NUP37: variants seen among roughly 807,000 people sequenced by gnomAD.
NUP37 encodes nucleoporin Nup37.
Under a neutral mutation model 45.4 loss-of-function variants are expected in NUP37, and 33 were observed. The ratio of observed to expected loss-of-function variants is 0.73; its 90% confidence interval spans 0.55 to 0.97. The LOEUF is 0.97. Among genes scored for constraint, NUP37 ranks in the 50% least tolerant of loss-of-function variants. NUP37 has a pLI of 0.00. For missense variants in NUP37, 365 were observed against 389.7 expected, an observed-to-expected ratio of 0.94 and a Z score of 0.53; for synonymous variants, 127 against 130.7, an observed-to-expected ratio of 0.97 and a Z score of 0.19.
chr12:102,115,528 T>C (rs1383567243), intron 2 of NUP37, among the ~76,000 whole-genome samples: 1 of 152,240 alleles, frequency 6.6e-6, no homozygotes, highest in African/African-American at 2.4e-5. Context: ...TGCACTGCTT[T>C]ATATGTAAAT....
chr12:102,084,585 A>G (rs1160500690), intron 6 of NUP37, among the ~76,000 whole-genome samples: 3 of 152,138 alleles, frequency 2.0e-5, no homozygotes, highest in African/African-American at 7.2e-5. Context: ...CGAAGGTTGC[A>G]GTGAATGATG....
intron 5 of NUP37, 50 bp from the exon 6 acceptor site, chr12:102,085,906 C>G (rs1248361114): frequency 1.1e-6 from 1 of 869,996 alleles, no homozygotes; most frequent in African/African-American, 1.7e-5. Context: ...TATATCATTA[C>G]TAAAAAATTA....
intron 3 of NUP37, among the ~76,000 whole-genome samples, chr12:102,108,981 T>C (rs4611262): frequency 0.82 from 125,529 of 152,188 alleles, 52,319 homozygotes; most frequent in African/African-American, 0.95. Context: ...TGTCAGCAAA[T>C]AGAGGAGTTA....
Position 102,076,840 on chromosome 12 carries a change from G to A in NUP37, c.730C>T (p.Gln244Ter). The change falls in exon 8 of 10, where the codon CAA (glutamine) becomes TAA (stop). Residue 244 changes from glutamine to a stop codon, truncating the protein, a stop_gained. Transcript: ENST00000552283. LOFTEE classifies it high-confidence loss of function. ...TCCATGTGAACAGGTCTCTTATTTT[G>A]AGGATAACTAAAAGATAATATTTTG... ...IWDITRSSYP[Q>*]NKRPVHMDRA... The A allele has an allele frequency of 1.9e-6, 3 of 1,611,816 alleles. No individual in the cohort carries two copies. Among genetic ancestry groups the A allele is most frequent in the Non-Finnish European group, 2.5e-6 (3 of 1,178,342 alleles).
At chr12:102,090,928 A>G (rs1008947220) in intron 5 of NUP37, among the ~76,000 whole-genome samples, 2 of 152,220 alleles carry the variant, frequency 1.3e-5, no homozygotes, top group African/African-American at 4.8e-5. Flanking sequence ...TATCTAAGAA[A>G]CTTTTGGTCT....
At chr12:102,087,373 TATC>T (rs1879501641) in intron 5 of NUP37, among the ~76,000 whole-genome samples, 1 of 152,244 alleles carries the variant, frequency 6.6e-6, no homozygotes, top group Non-Finnish European at 1.5e-5. Context: ...AATGTTGAAA[TATC>T]ATAGTTACAT....
intron 5 of NUP37, among the ~76,000 whole-genome samples, chr12:102,094,918 T>C (rs1260201754): frequency 1.3e-5 from 2 of 152,088 alleles, no homozygotes; most frequent in Non-Finnish European, 2.9e-5. Context: ...TCTTTCACCA[T>C]AAACTTTTAT....
In NUP37 at chr12:102,076,261, T is replaced by C. The variant is rs370526690; in HGVS notation, c.773+536A>G. On this transcript the variant is annotated intron_variant, in intron 8 of 9. Transcript: ENST00000552283. ...TTCTACAACTTATTGGAATATAGCA[T>C]ATAATAAAATTTCACTGGTTTTAGT... Among the ~76,000 whole-genome samples, 63 of 152,326 alleles carry C rather than the reference T, an allele frequency of 4.1e-4. No individual in the cohort carries two copies. The South Asian group carries it at 8.9e-3, about 22-fold the overall frequency.
intron 4 of NUP37, among the ~76,000 whole-genome samples, chr12:102,099,986 A>G (rs1879925574): frequency 6.6e-6 from 1 of 152,154 alleles, no homozygotes; most frequent in Non-Finnish European, 1.5e-5. Flanking sequence ...ATATTAAAAA[A>G]AAAACAAAAA....
chr12:102,087,004 G>T (rs1019271472), intron 5 of NUP37, among the ~76,000 whole-genome samples: 1 of 152,196 alleles, frequency 6.6e-6, no homozygotes, highest in African/African-American at 2.4e-5. Flanking sequence ...GCAGGCTGAC[G>T]TGGGAGGATT....
At chr12:102,074,931 G>T in intron 9 of NUP37, 70 bp downstream of exon 9, 2 of 883,972 alleles carry the variant, frequency 2.3e-6, no homozygotes, top group South Asian at 2.2e-5. Flanking sequence ...TTGGGGCTAT[G>T]AGTGGAAAAG....
intron 1 of NUP37, chr12:102,119,543 A>C (rs1327383035): frequency 6.6e-6 from 1 of 152,230 alleles, no homozygotes; most frequent in Non-Finnish European, 1.5e-5. Flanking sequence ...AAAATTCGAC[A>C]CAAGGGTTGT....
chr12:102,112,266 T>C (rs2271266), intron 2 of NUP37, 34 bp from the exon 3 acceptor site: 48,096 of 1,551,982 alleles, frequency 0.031, 3,350 homozygotes, highest in East Asian at 0.3. Context: ...TAATAAGTAA[T>C]GAGAACAAAC....
intron 9 of NUP37, 31 bp from the exon 10 acceptor site, chr12:102,074,498 C>A: frequency 8.1e-7 from 1 of 1,228,450 alleles, no homozygotes; most frequent in Non-Finnish European, 1.2e-6. Flanking sequence ...TAAAGAAGCA[C>A]AGTAAGTCCC....
At chr12:102,119,852 GAGA>G (rs1350758095) in intron 1 of NUP37, among the ~76,000 whole-genome samples, 195 bp downstream of exon 1, 2 of 152,190 alleles carry the variant, frequency 1.3e-5, no homozygotes, top group African/African-American at 2.4e-5. Flanking sequence ...TACAACGGCA[GAGA>G]AGAAGGGAGG....
intron 2 of NUP37, among the ~76,000 whole-genome samples, chr12:102,114,485 A>G (rs1473993162): frequency 2.0e-5 from 3 of 152,146 alleles, no homozygotes; most frequent in Non-Finnish European, 2.9e-5. Context: ...GCTATTTTGG[A>G]TTTAGTTTGG....
intron 3 of NUP37, among the ~76,000 whole-genome samples, chr12:102,101,817 C>T (rs938473737): frequency 2.0e-5 from 3 of 152,088 alleles, no homozygotes; most frequent in Admixed American, 6.5e-5. Flanking sequence ...CTCCACCTCC[C>T]AGGTTCAAAC....
At chr12:102,119,850 C>T (rs528150537) in intron 1 of NUP37, among the ~76,000 whole-genome samples, 200 bp downstream of exon 1, 16 of 152,266 alleles carry the variant, frequency 1.1e-4, no homozygotes, top group African/African-American at 3.6e-4. Flanking sequence ...ACTACAACGG[C>T]AGAGAAGAAG....
chr12:102,088,237 A>C (rs1441752804), intron 5 of NUP37, among the ~76,000 whole-genome samples: 3 of 152,152 alleles, frequency 2.0e-5, no homozygotes, highest in Non-Finnish European at 1.5e-5. Flanking sequence ...TCCTTAATTA[A>C]GCCCTTCTCA....
Sources: gnomAD v4.1 joint callset for allele counts (sites outside exome capture counted in the v4.1 genomes callset) on GRCh38, gnomAD v4.1.1 for gene constraint, MANE v1.5 for transcripts, NCBI Gene and HGNC (gene_info 2026-07-23, HGNC 2026-07-21) for gene names.